Variants in TMEM178B observed in about 807,000 individuals in gnomAD.
TMEM178B encodes transmembrane protein 178B.
TMEM178B carries 5 observed loss-of-function variants against 31.0 expected under a neutral mutation model. That is an observed-to-expected ratio of 0.16 (90% CI 0.08 to 0.34). The LOEUF (loss-of-function observed/expected upper bound fraction) is 0.34. Ranked by LOEUF, TMEM178B falls within the 10% of genes least tolerant of loss-of-function variation. The pLI is 1.00. For missense variants in TMEM178B, 275 were observed against 400.3 expected, an observed-to-expected ratio of 0.69 and a Z score of 2.67; for synonymous variants, 164 against 164.0, an observed-to-expected ratio of 1.00 and a Z score of 0.00.
At position 141,084,893 on chromosome 7, in the gene TMEM178B, G is replaced by T. The variant is rs1851609; in HGVS notation, c.382+10201G>T. 5.1e-3 allele frequency among the ~76,000 whole-genome samples: 768 copies of T among 150,024 alleles called. 6 individuals carry two copies. The highest frequency in any genetic ancestry group is 0.017 in the African/African-American group (693 of 40,900). On this transcript the variant is annotated intron_variant, in intron 1 of 3. Coordinates refer to ENST00000565468, the MANE Select transcript of TMEM178B (RefSeq NM_001195278.2). ...GTATTGTTTTGTAATTTTTTTTTTT[G>T]TTTGAGACCGAGTCTTACTCTATTG...
intron 1 of TMEM178B, among the ~76,000 whole-genome samples, chr7:141,112,263 C>A (rs1414225457): frequency 6.6e-6 from 1 of 152,026 alleles, no homozygotes; most frequent in Non-Finnish European, 1.5e-5. Context: ...TATTTTTTAA[C>A]CTTTTTTAAA....
At chr7:141,488,119 G>A in the TMEM178B span, among the ~76,000 whole-genome samples, 1 of 152,008 alleles carries the variant, frequency 6.6e-6, no homozygotes, top group Non-Finnish European at 1.5e-5. Flanking sequence ...TACAAGGTGA[G>A]TGGGAAGAAT....
At chr7:141,484,596 C>G (rs1802526765), downstream of TMEM178B, among the ~76,000 whole-genome samples, 1 of 152,180 alleles carries the variant, frequency 6.6e-6, no homozygotes, top group South Asian at 2.1e-4. The surrounding 1 kb of genome is among the most constrained non-coding windows in gnomAD (Gnocchi z 4.8). Context: ...GAGCCTTGCT[C>G]TGTCACCCAG....
chr7:141,335,397 G>T (rs543790043), intron 2 of TMEM178B, among the ~76,000 whole-genome samples: 1 of 152,260 alleles, frequency 6.6e-6, no homozygotes, highest in Non-Finnish European at 1.5e-5. Flanking sequence ...CCCAGAGGGC[G>T]CTCTGGAAAT....
chr7:141,426,651 G>A (rs990869739), intron 2 of TMEM178B, among the ~76,000 whole-genome samples: 1 of 152,130 alleles, frequency 6.6e-6, no homozygotes, highest in Non-Finnish European at 1.5e-5. Flanking sequence ...TGCAGGGAGA[G>A]GCAGAGGACA....
intron 2 of TMEM178B, among the ~76,000 whole-genome samples, chr7:141,374,031 C>T (rs551378296): frequency 1.2e-4 from 19 of 152,222 alleles, no homozygotes; most frequent in African/African-American, 4.3e-4. Context: ...CCATTTATTC[C>T]TTAAAGAGTG....
intron 1 of TMEM178B, among the ~76,000 whole-genome samples, chr7:141,154,544 T>C (rs1372072248): frequency 6.6e-6 from 1 of 152,186 alleles, no homozygotes; most frequent in Non-Finnish European, 1.5e-5. Flanking sequence ...GTCAGAATCT[T>C]GCTTTTCTGG....
intron 2 of TMEM178B, among the ~76,000 whole-genome samples, chr7:141,433,662 G>A (rs745463357): frequency 1.2e-4 from 18 of 152,144 alleles, no homozygotes; most frequent in Non-Finnish European, 2.1e-4. Flanking sequence ...CACTCTTCTT[G>A]TAGTACACTG....
chr7:141,175,365 C>A (rs921099041), intron 1 of TMEM178B, among the ~76,000 whole-genome samples: 5 of 152,060 alleles, frequency 3.3e-5, no homozygotes. Flanking sequence ...GTTACTGTAG[C>A]CTTGTAGTAT....
chr7:141,459,019 T>G (rs906958941), intron 3 of TMEM178B, among the ~76,000 whole-genome samples: 4 of 138,350 alleles, frequency 2.9e-5, no homozygotes, highest in African/African-American at 6.6e-5. Context: ...TTTTTTGGTT[T>G]GTTTGTTTGT....
chr7:141,171,611 C>T lies in TMEM178B; in HGVS notation c.383-40980C>T, dbSNP rs1311999939. Among the ~76,000 whole-genome samples, 1 of 152,152 alleles carries T rather than the reference C, an allele frequency of 6.6e-6. No individual in the cohort carries two copies. Among genetic ancestry groups the T allele is most frequent in the Non-Finnish European group, 1.5e-5 (1 of 68,026 alleles). Reference sequence around the variant, plus strand: ...ACCACCTTGCCAGGCCTCGGTCTCCCGCATGACACTGTCTTCTGAGTGATG... The same window carrying T: ...ACCACCTTGCCAGGCCTCGGTCTCCTGCATGACACTGTCTTCTGAGTGATG... On this transcript the variant is annotated intron_variant, in intron 1 of 3. Coordinates refer to ENST00000565468, the MANE Select transcript of TMEM178B (RefSeq NM_001195278.2). This position sits in a 1 kb window ranked among gnomAD's most constrained non-coding sequence, Gnocchi z 4.3.
intron 2 of TMEM178B, among the ~76,000 whole-genome samples, chr7:141,249,504 G>A (rs1233684125): frequency 6.6e-6 from 1 of 152,238 alleles, no homozygotes; most frequent in African/African-American, 2.4e-5. Context: ...TGAAAATGTG[G>A]AAGCGACATT....
intron 1 of TMEM178B, among the ~76,000 whole-genome samples, chr7:141,111,310 C>A (rs1192384078): frequency 1.3e-5 from 2 of 152,148 alleles, no homozygotes; most frequent in Non-Finnish European, 2.9e-5. Context: ...AAAACCACCC[C>A]CCCAAGATTT....
intron 1 of TMEM178B, among the ~76,000 whole-genome samples, chr7:141,191,125 T>C (rs1207218439): frequency 6.6e-6 from 1 of 152,246 alleles, no homozygotes; most frequent in African/African-American, 2.4e-5. Context: ...TAAGAACTTA[T>C]CGTATATATT....
chr7:141,121,611 G>C (rs1243837515), intron 1 of TMEM178B, among the ~76,000 whole-genome samples: 1 of 152,090 alleles, frequency 6.6e-6, no homozygotes, highest in Non-Finnish European at 1.5e-5. Flanking sequence ...AGTCCTGTTT[G>C]CCTGAAAATG....
At chr7:141,302,295 G>A (rs1798742127) in intron 2 of TMEM178B, among the ~76,000 whole-genome samples, 1 of 152,226 alleles carries the variant, frequency 6.6e-6, no homozygotes, top group African/African-American at 2.4e-5. Flanking sequence ...CAACATGGAT[G>A]AACCTTGAGG....
chr7:141,492,954 A>C, the TMEM178B span, among the ~76,000 whole-genome samples: 34 of 152,300 alleles, frequency 2.2e-4, no homozygotes, highest in African/African-American at 7.7e-4. Context: ...GGATTATTAA[A>C]GGGGGAATAA....
rs748203951 is a variant in TMEM178B, at chr7:141,304,389, G to A, written c.496+91685G>A. ...TGTTTTGAGACAAAGGAGCAAATTT[G>A]CTCCATTGCCTCTGTGCACTGCCTG... On this transcript the variant is annotated intron_variant, in intron 2 of 3. Coordinates refer to ENST00000565468, the MANE Select transcript of TMEM178B (RefSeq NM_001195278.2). 2.6e-5 allele frequency among the ~76,000 whole-genome samples: 4 copies of A among 152,082 alleles called. No individual in the cohort carries two copies. The East Asian group carries it at 7.7e-4, about 29-fold the overall frequency.
chr7:141,344,639 C>T lies in TMEM178B; in HGVS notation c.497-92969C>T, dbSNP rs1451733482. 1.3e-5 allele frequency among the ~76,000 whole-genome samples: 2 copies of T among 148,270 alleles called. No homozygotes were observed. The highest frequency in any genetic ancestry group is 1.3e-4 in the Admixed American group (2 of 14,962). The stretch of plus-strand genomic sequence containing the variant: ...TCCTTCCTTCCTTCCTCCCTTCCTT[C>T]TTCCCTTCATCAAAAGACCTCTCAG... On this transcript the variant is annotated intron_variant, in intron 2 of 3. Transcript: ENST00000565468. The surrounding 1 kb of genome is among the most constrained non-coding windows in gnomAD (Gnocchi z 4.1).
Sources: gnomAD v4.1 joint callset for allele counts (sites outside exome capture counted in the v4.1 genomes callset) on GRCh38, gnomAD v4.1.1 for gene constraint, Gnocchi (gnomAD v3.1) non-coding constraint, MANE v1.5 for transcripts, NCBI Gene and HGNC (gene_info 2026-07-23, HGNC 2026-07-21) for gene names.